The following PCBD2 variants were observed in gnomAD, a reference collection of about 807,000 sequenced individuals.
PCBD2 encodes the protein pterin-4-alpha-carbinolamine dehydratase 2.
In PCBD2, 12 loss-of-function variants were observed where a neutral mutation model predicts 16.4. The observed-to-expected ratio is 0.73, with a 90% CI of 0.47 to 1.19. The LOEUF (loss-of-function observed/expected upper bound fraction) is 1.19. Ranked by LOEUF, PCBD2 falls within the 50% of genes most tolerant of loss-of-function variation. The pLI is 0.00. For synonymous variants in PCBD2, 58 were observed against 61.8 expected, an observed-to-expected ratio of 0.94 and a Z score of 0.29; for missense variants, 138 against 156.8, an observed-to-expected ratio of 0.88 and a Z score of 0.64.
At chr5:134,954,596 G>A (rs894952088) in intron 2 of PCBD2, among the ~76,000 whole-genome samples, 2 of 152,150 alleles carry the variant, frequency 1.3e-5, no homozygotes, top group African/African-American at 4.8e-5. Flanking sequence ...TTTCTAAAAT[G>A]TCTGTCTTTT....
chr5:134,934,880 A>C (rs1751140784), intron 2 of PCBD2, among the ~76,000 whole-genome samples: 1 of 152,250 alleles, frequency 6.6e-6, no homozygotes, highest in African/African-American at 2.4e-5. Flanking sequence ...CTAGGATTAT[A>C]TCTGTCAAGA....
intron 2 of PCBD2, among the ~76,000 whole-genome samples, chr5:134,958,009 T>A (rs1172462245): frequency 6.6e-6 from 1 of 152,230 alleles, no homozygotes; most frequent in Non-Finnish European, 1.5e-5. Context: ...GGTCATTTGG[T>A]GATCCCAAAA....
At chr5:134,934,753 TAGTG>T (rs1233207866) in intron 2 of PCBD2, among the ~76,000 whole-genome samples, 3 of 152,268 alleles carry the variant, frequency 2.0e-5, no homozygotes, top group Non-Finnish European at 1.5e-5. Flanking sequence ...CATTGTCTGA[TAGTG>T]AGGTCATTTT....
At chr5:134,905,323 G>A in intron 1 of PCBD2, 100 bp downstream of exon 1, 2 of 1,062,950 alleles carry the variant, frequency 1.9e-6, no homozygotes, top group Non-Finnish European at 2.4e-6. Context: ...GGGCGAACCC[G>A]GCGTGGGCCG....
rs922880507 is a variant in PCBD2, at chr5:134,905,230, G to T, written c.84+7G>T. ...CCTAGGGCTAGCGGCCATGGTGAGT[G>T]CACAGCGGCCGCGTGGGTGGGGGTC... On this transcript the variant is annotated splice_region_variant and intron_variant, in intron 1 of 3. Coordinates refer to ENST00000254908, the MANE Select transcript of PCBD2 (RefSeq NM_032151.5). 1 of 1,223,310 alleles carries T rather than the reference G, an allele frequency of 8.2e-7. No homozygotes were observed. Among genetic ancestry groups the T allele is most frequent in the Non-Finnish European group, 1.0e-6 (1 of 982,650 alleles). 75.8% of individuals were successfully genotyped at this position (1,223,310 alleles called of 1,614,324 possible).
chr5:134,955,744 T>C (rs1751408372), intron 2 of PCBD2, among the ~76,000 whole-genome samples: 1 of 152,222 alleles, frequency 6.6e-6, no homozygotes. Context: ...TACTGGGTTG[T>C]TAGTGGTGTC....
chr5:134,909,736 T>C (rs1750744103), intron 1 of PCBD2, among the ~76,000 whole-genome samples: 1 of 152,198 alleles, frequency 6.6e-6, no homozygotes, highest in South Asian at 2.1e-4. Context: ...GTGTCCAAGA[T>C]GGCCGGTGGT....
At chr5:134,927,086 G>A (rs1292753140) in intron 2 of PCBD2, 3 of 398,392 alleles carry the variant, frequency 7.5e-6, no homozygotes, top group Admixed American at 4.4e-5. Context: ...GTCCGTGGGC[G>A]ACTATGAGAA....
chr5:134,918,281 G>C (rs1213699243), intron 2 of PCBD2, among the ~76,000 whole-genome samples: 1 of 152,138 alleles, frequency 6.6e-6, no homozygotes, highest in Non-Finnish European at 1.5e-5. Context: ...GAAGCAGGCG[G>C]GTCACCAGAG....
intron 1 of PCBD2, among the ~76,000 whole-genome samples, chr5:134,909,500 T>C (rs975930077): frequency 6.6e-6 from 1 of 152,224 alleles, no homozygotes; most frequent in Non-Finnish European, 1.5e-5. Flanking sequence ...CAAGGCTGGC[T>C]CTGTACAAAA....
chr5:134,908,665 A>C (rs75325964), intron 1 of PCBD2, among the ~76,000 whole-genome samples: 1 of 129,104 alleles, frequency 7.7e-6, no homozygotes, highest in Non-Finnish European at 1.6e-5. Flanking sequence ...ACTTGGTCTC[A>C]AAAAAAAAAA....
At chr5:134,921,724 T>C (rs1404385168) in intron 2 of PCBD2, among the ~76,000 whole-genome samples, 1 of 152,178 alleles carries the variant, frequency 6.6e-6, no homozygotes, top group Non-Finnish European at 1.5e-5. Context: ...TCCTGGTGAT[T>C]TGTTACCAAG....
intron 1 of PCBD2, among the ~76,000 whole-genome samples, chr5:134,908,231 G>GTT (rs80277203): frequency 3.3e-4 from 38 of 115,322 alleles, no homozygotes; most frequent in Non-Finnish European, 3.7e-4. Context: ...CCTAGTAAAT[G>GTT]TTTTTTTTTT....
intron 3 of PCBD2, among the ~76,000 whole-genome samples, chr5:134,960,124 G>A (rs1173054765): frequency 6.6e-6 from 1 of 151,852 alleles, no homozygotes; most frequent in African/African-American, 2.4e-5. Flanking sequence ...AGGTGATCCG[G>A]CCTCCCAAAG....
At chr5:134,958,999 A>G (rs996705240) in intron 2 of PCBD2, 41 bp from the exon 3 acceptor site, 16 of 1,504,298 alleles carry the variant, frequency 1.1e-5, no homozygotes, top group African/African-American at 1.4e-5. Flanking sequence ...CTTAGGGTAG[A>G]GGACAATGTC....
chr5:134,907,391 G>A (rs751592264), intron 1 of PCBD2, among the ~76,000 whole-genome samples: 1 of 151,378 alleles, frequency 6.6e-6, no homozygotes, highest in Non-Finnish European at 1.5e-5. Flanking sequence ...CTATAGGCGC[G>A]TGCCACCACG....
At position 134,960,591 on chromosome 5, in the gene PCBD2, G is replaced by A. The variant is rs765926016; in HGVS notation, c.303G>A (p.Gln101=). 1 of 1,605,406 alleles carries A rather than the reference G, an allele frequency of 6.2e-7. No individual in the cohort carries two copies. Among genetic ancestry groups the A allele is most frequent in the African/African-American group, 1.3e-5 (1 of 74,696 alleles). The stretch of plus-strand genomic sequence containing the variant: ...ACTGCTTTTCTTTTTCTTAGGTCCA[G>A]ATAACTCTCACCTCACATGACTGTG... ...PEWFNVYNKV[Q]ITLTSHDCGE... Residue 101 remains glutamine (Q), a synonymous_variant, in exon 4 of 4, where the codon CAG becomes CAA. Coordinates refer to ENST00000254908, the MANE Select transcript of PCBD2 (RefSeq NM_032151.5).
chr5:134,946,947 C>T lies in PCBD2; in HGVS notation c.217-12093C>T, dbSNP rs1181741562. 2.0e-5 allele frequency among the ~76,000 whole-genome samples: 3 copies of T among 151,920 alleles called. No homozygotes were observed. In the East Asian group the frequency reaches 5.8e-4, roughly 29 times the overall value. ...AGATCCATAGAAATTATTTTTATTA[C>T]AGTAATAGGGCAAGATAGTTTTATG... On this transcript the variant is annotated intron_variant, in intron 2 of 3. Transcript: ENST00000254908.
intron 3 of PCBD2, 135 bp from the exon 4 acceptor site, chr5:134,960,451 A>G: frequency 1.5e-6 from 1 of 645,888 alleles, no homozygotes; most frequent in South Asian, 2.1e-5. Flanking sequence ...TTCATAATGT[A>G]GTATTTTCTA....
Sources: allele counts gnomAD v4.1 joint callset (sites outside exome capture counted in the v4.1 genomes callset), GRCh38; gene constraint gnomAD v4.1.1; transcripts MANE v1.5; gene names NCBI Gene and HGNC (gene_info 2026-07-23, HGNC 2026-07-21).